Variants in HTR2A observed in about 807,000 individuals in gnomAD.
HTR2A encodes the protein 5-HT2 receptor.
A neutral mutation model predicts 31.0 loss-of-function variants in HTR2A; 14 were observed. That is an observed-to-expected ratio of 0.45 (90% CI 0.30 to 0.71). The LOEUF is 0.71. HTR2A is among the 30% of genes least tolerant of loss of function. HTR2A has a pLI of 0.09. For missense variants in HTR2A, 442 were observed against 573.3 expected (o/e 0.77, Z 2.34); for synonymous variants, 209 against 225.2 (o/e 0.93, Z 0.64).
In HTR2A at chr13:46,864,280, G is replaced by A. The variant is rs75558565; in HGVS notation, c.613+28110C>T. 6.0e-3 allele frequency among the ~76,000 whole-genome samples: 910 copies of A among 152,138 alleles called. 8 individuals are homozygous for A. Among genetic ancestry groups the A allele is most frequent in the African/African-American group, 0.021 (874 of 41,490 alleles). On this transcript the variant is annotated intron_variant, in intron 3 of 3. Transcript: ENST00000542664. Reference sequence around the variant, plus strand: ...GGCCTGGGAGGAAGTTAGACGATCAGGAAAAATAAATAATGGGTACTATGC... The same window carrying A: ...GGCCTGGGAGGAAGTTAGACGATCAAGAAAAATAAATAATGGGTACTATGC...
intron 3 of HTR2A, among the ~76,000 whole-genome samples, chr13:46,859,537 G>T (rs993292202): frequency 2.0e-5 from 3 of 152,076 alleles, no homozygotes; most frequent in Admixed American, 6.6e-5. Context: ...GATCATGGGG[G>T]TGGTTTCTGA....
intron 3 of HTR2A, among the ~76,000 whole-genome samples, chr13:46,883,967 C>G (rs1003065739): frequency 6.6e-6 from 1 of 152,202 alleles, no homozygotes. Context: ...GGGAAAGCAG[C>G]AGTACATTTC....
chr13:46,889,194 C>T (rs934283282), intron 3 of HTR2A, among the ~76,000 whole-genome samples: 4 of 151,858 alleles, frequency 2.6e-5, no homozygotes, highest in East Asian at 1.9e-4. Context: ...AGAAAATTAA[C>T]GTAGCTATAC....
chr13:46,896,382 T>TA, intron 1 of HTR2A, 148 bp from the exon 2 acceptor site: 1 of 476,032 alleles, frequency 2.1e-6, no homozygotes, highest in Non-Finnish European at 3.3e-6. Context: ...CATTCTACAT[T>TA]AAGAAAGTCA....
At chr13:46,882,461 A>C (rs1028409208) in intron 3 of HTR2A, among the ~76,000 whole-genome samples, 1 of 152,212 alleles carries the variant, frequency 6.6e-6, no homozygotes, top group African/African-American at 2.4e-5. Flanking sequence ...TTAATTTCTA[A>C]ATGGCCCAAA....
chr13:46,866,573 C>T (rs1472259269), intron 3 of HTR2A, among the ~76,000 whole-genome samples: 1 of 152,228 alleles, frequency 6.6e-6, no homozygotes, highest in Non-Finnish European at 1.5e-5. Flanking sequence ...ACTTACTTTT[C>T]TCATTCCCAT....
chr13:46,880,824 G>C (rs1433118490), intron 3 of HTR2A, among the ~76,000 whole-genome samples: 1 of 151,622 alleles, frequency 6.6e-6, no homozygotes, highest in Admixed American at 6.6e-5. Context: ...GGGTGACAGA[G>C]GGAGACTCTG....
intron 3 of HTR2A, among the ~76,000 whole-genome samples, chr13:46,876,044 T>G (rs1950907498): frequency 6.6e-6 from 1 of 152,192 alleles, no homozygotes; most frequent in African/African-American, 2.4e-5. Context: ...CAGTGGAAAA[T>G]GGTGATTCAT....
intron 2 of HTR2A, among the ~76,000 whole-genome samples, chr13:46,893,614 C>T (rs894744546): frequency 1.3e-5 from 2 of 152,156 alleles, no homozygotes; most frequent in Non-Finnish European, 2.9e-5. Flanking sequence ...TTCCAAGCTC[C>T]CCAGACAATT....
intron 1 of HTR2A, 34 bp from the exon 2 acceptor site, chr13:46,896,268 G>T: frequency 9.2e-7 from 1 of 1,083,686 alleles, no homozygotes; most frequent in Non-Finnish European, 1.1e-6. Flanking sequence ...TAACTACTGG[G>T]ACTCTTGTTT....
intron 3 of HTR2A, among the ~76,000 whole-genome samples, chr13:46,857,577 C>G (rs1430466611): frequency 6.6e-6 from 1 of 152,148 alleles, no homozygotes; most frequent in Non-Finnish European, 1.5e-5. Flanking sequence ...ACATTTCTAC[C>G]TGTGAATTTT....
intron 2 of HTR2A, among the ~76,000 whole-genome samples, chr13:46,894,397 G>A (rs1037850398): frequency 1.3e-5 from 2 of 152,212 alleles, no homozygotes; most frequent in Non-Finnish European, 2.9e-5. Context: ...GGGATGCCGG[G>A]GAAAGGGCAG....
At chr13:46,877,386 T>C (rs1406697904) in intron 3 of HTR2A, among the ~76,000 whole-genome samples, 1 of 152,170 alleles carries the variant, frequency 6.6e-6, no homozygotes, top group Admixed American at 6.5e-5. Flanking sequence ...CCTTACTAAC[T>C]AGGCCTTCAT....
intron 3 of HTR2A, among the ~76,000 whole-genome samples, chr13:46,845,731 T>C (rs1395222359): frequency 6.6e-6 from 1 of 151,472 alleles, no homozygotes; most frequent in Non-Finnish European, 1.5e-5. Flanking sequence ...GGGAAATATA[T>C]CTGCTTCTGC....
At chr13:46,885,607 T>C (rs1263289343) in intron 3 of HTR2A, among the ~76,000 whole-genome samples, 2 of 152,248 alleles carry the variant, frequency 1.3e-5, no homozygotes, top group Admixed American at 6.5e-5. Context: ...TGTTTTTCTA[T>C]AGAATAGATT....
chr13:46,887,843 T>C (rs1951019572), intron 3 of HTR2A, among the ~76,000 whole-genome samples: 1 of 148,086 alleles, frequency 6.8e-6, no homozygotes, highest in South Asian at 2.1e-4. Flanking sequence ...ATGTTCTCAC[T>C]AATATGTGGG....
chr13:46,873,660 T>C (rs1950883104), intron 3 of HTR2A, among the ~76,000 whole-genome samples: 1 of 151,980 alleles, frequency 6.6e-6, no homozygotes, highest in African/African-American at 2.4e-5. Flanking sequence ...TGTGTTCTCA[T>C]TGTTCAATTC....
At chr13:46,873,649 A>G (rs1434098729) in intron 3 of HTR2A, among the ~76,000 whole-genome samples, 4 of 150,172 alleles carry the variant, frequency 2.7e-5, no homozygotes, top group Admixed American at 2.0e-4. Flanking sequence ...TCCTGTGTCC[A>G]TGTGTTCTCA....
rs1484909093 is a variant in HTR2A at position 46,896,070 on chromosome 13, A to C, written c.-164T>G. 7.2e-7 allele frequency: 1 copy of C among 1,394,206 alleles called. No homozygotes were observed. The highest frequency in any genetic ancestry group is 1.4e-5 in the African/African-American group (1 of 69,128). The allele number at this position is 1,394,206 out of a possible 1,614,324, so 86.4% of individuals were successfully genotyped here. Reference sequence around the variant, plus strand: ...GTCTTCCATTATTACAATGATAGTTAAAGAACTGAACTGTGGTGGCTGTAA... The same window carrying C: ...GTCTTCCATTATTACAATGATAGTTCAAGAACTGAACTGTGGTGGCTGTAA... On this transcript the variant is annotated 5_prime_UTR_variant, in exon 2 of 4. The change abolishes the stop of an existing upstream ORF in the 5' untranslated region. Coordinates refer to ENST00000542664, the MANE Select transcript of HTR2A (RefSeq NM_000621.5).
Sources: allele counts gnomAD v4.1 joint callset (sites outside exome capture counted in the v4.1 genomes callset), GRCh38; gene constraint gnomAD v4.1.1; transcripts MANE v1.5; gene names NCBI Gene and HGNC (gene_info 2026-07-23, HGNC 2026-07-21).